Variants in SKIC3 observed in about 807,000 individuals in gnomAD.
SKIC3 encodes the protein superkiller complex protein 3.
chr5:95,538,151 TGGA>T, the SKIC3 span, among the ~76,000 whole-genome samples: 1 of 152,132 alleles, frequency 6.6e-6, no homozygotes, highest in Admixed American at 6.5e-5. Flanking sequence ...TTCTCTGTCA[TGGA>T]GGAGGGTGGG....
At chr5:95,538,525 T>A in the SKIC3 span, among the ~76,000 whole-genome samples, 1 of 152,112 alleles carries the variant, frequency 6.6e-6, no homozygotes, top group Non-Finnish European at 1.5e-5. Flanking sequence ...GAACTTCCTA[T>A]CCTATATAGA....
the SKIC3 span, chr5:95,478,360 T>C: frequency 1.9e-6 from 3 of 1,614,024 alleles, no homozygotes; most frequent in Non-Finnish European, 1.7e-6. Context: ...ACTGCCCCGT[T>C]GGGATGCCAA....
the SKIC3 span, chr5:95,517,050 G>A: frequency 5.6e-6 from 9 of 1,613,434 alleles, no homozygotes; most frequent in East Asian, 4.5e-5. Context: ...TTTAATGCAC[G>A]ACCATAACAC....
chr5:95,542,155 C>T, the SKIC3 span, among the ~76,000 whole-genome samples: 1 of 152,110 alleles, frequency 6.6e-6, no homozygotes, highest in Non-Finnish European at 1.5e-5. Flanking sequence ...ATTCCCTTTT[C>T]TTTCGAAAAT....
At chr5:95,533,003 A>C in the SKIC3 span, among the ~76,000 whole-genome samples, 2 of 152,188 alleles carry the variant, frequency 1.3e-5, no homozygotes, top group Admixed American at 6.5e-5. Context: ...GGTGGCATTC[A>C]TATTTATCTT....
chr5:95,503,242 G>A, the SKIC3 span, among the ~76,000 whole-genome samples: 1 of 152,216 alleles, frequency 6.6e-6, no homozygotes, highest in East Asian at 1.9e-4. Context: ...TTCTACGTTC[G>A]GAATCTATAT....
the SKIC3 span, among the ~76,000 whole-genome samples, chr5:95,501,886 T>C: frequency 2.6e-5 from 4 of 152,100 alleles, no homozygotes; most frequent in Non-Finnish European, 5.9e-5. Flanking sequence ...TATATAACGA[T>C]AGATACATGT....
At chr5:95,530,149 A>C in the SKIC3 span, 4 of 1,613,722 alleles carry the variant, frequency 2.5e-6, no homozygotes, top group South Asian at 4.4e-5. Context: ...TTAATGCCTA[A>C]GCCAATGAGG....
the SKIC3 span, among the ~76,000 whole-genome samples, chr5:95,549,846 A>C: frequency 6.6e-6 from 1 of 151,930 alleles, no homozygotes; most frequent in Non-Finnish European, 1.5e-5. Flanking sequence ...GGTACCACTT[A>C]AACCCATTTT....
the SKIC3 span, among the ~76,000 whole-genome samples, chr5:95,536,183 C>A: frequency 2.0e-5 from 3 of 152,098 alleles, no homozygotes; most frequent in Non-Finnish European, 4.4e-5. Flanking sequence ...CATGAAGATA[C>A]AAGAGCATGA....
the SKIC3 span, chr5:95,513,425 T>G: frequency 1.3e-5 from 11 of 867,776 alleles, no homozygotes; most frequent in Non-Finnish European, 1.7e-5. Flanking sequence ...CAGGCTGGCC[T>G]CAAGCAATCC....
chr5:95,516,708 A>G, the SKIC3 span: 3 of 1,613,440 alleles, frequency 1.9e-6, no homozygotes, highest in African/African-American at 1.3e-5. Flanking sequence ...GCATTCCAGT[A>G]TAAGTGATTA....
At chr5:95,490,065 T>C in the SKIC3 span, among the ~76,000 whole-genome samples, 1 of 152,152 alleles carries the variant, frequency 6.6e-6, no homozygotes, top group Non-Finnish European at 1.5e-5. Flanking sequence ...GGCTAATCTA[T>C]TTATTAATTT....
the SKIC3 span, chr5:95,536,912 G>C: frequency 6.2e-7 from 1 of 1,613,556 alleles, no homozygotes; most frequent in Non-Finnish European, 8.5e-7. Context: ...CAATCTAGCA[G>C]ACTCATGAGG....
chr5:95,527,378 G>A, the SKIC3 span, among the ~76,000 whole-genome samples: 3 of 152,078 alleles, frequency 2.0e-5, no homozygotes, highest in African/African-American at 7.2e-5. Context: ...TGCTGACAAC[G>A]GTTCTGATTT....
chr5:95,492,407 C>T, the SKIC3 span, among the ~76,000 whole-genome samples: 262 of 151,194 alleles, frequency 1.7e-3, no homozygotes, highest in African/African-American at 6.1e-3. Flanking sequence ...GAGGCCGAGG[C>T]GGGCGGATCA....
At chr5:95,509,276 T>G in the SKIC3 span, among the ~76,000 whole-genome samples, 1 of 152,106 alleles carries the variant, frequency 6.6e-6, no homozygotes, top group South Asian at 2.1e-4. Context: ...AACCGGGTCC[T>G]TGTCACACAA....
chr5:95,530,084 T>C, the SKIC3 span: 1 of 1,612,692 alleles, frequency 6.2e-7, no homozygotes, highest in Non-Finnish European at 8.5e-7. Context: ...ACACTGTACA[T>C]TTACCTTCTG....
chr5:95,523,283 C>T, the SKIC3 span: 1 of 1,613,840 alleles, frequency 6.2e-7, no homozygotes, highest in South Asian at 1.1e-5. Flanking sequence ...CGTTCCAGCA[C>T]TTGCCTTTTG....
Sources: allele counts gnomAD v4.1 joint callset (sites outside exome capture counted in the v4.1 genomes callset), GRCh38; gene constraint gnomAD v4.1.1; transcripts MANE v1.5; gene names NCBI Gene and HGNC (gene_info 2026-07-23, HGNC 2026-07-21).